Variants in VWA3B observed in about 807,000 individuals in gnomAD.
The protein encoded by VWA3B is von Willebrand factor A domain-containing protein 3B.
Under a neutral mutation model 158.3 loss-of-function variants are expected in VWA3B, and 138 were observed. The observed-to-expected ratio is 0.87, with a 90% CI of 0.76 to 1.00. The LOEUF is 1.00. VWA3B is among the 50% of genes least tolerant of loss of function. The pLI is 0.00. For synonymous variants in VWA3B, 596 were observed against 587.3 expected (o/e 1.01, Z -0.21); for missense variants, 1,555 against 1,565.1 (o/e 0.99, Z 0.11).
Position 98,093,293 on chromosome 2 carries a change from A to G in VWA3B, c.196+5A>G, listed in dbSNP as rs751306592. ...TCGGATTCCCACATTGTGAAGGTAC[A>G]GTACTCACAAACAACCAGCATGCTG... On this transcript the variant is annotated splice_donor_5th_base_variant and intron_variant, in intron 2 of 27. Coordinates refer to ENST00000477737, the MANE Select transcript of VWA3B (RefSeq NM_144992.5). 26 of 1,612,782 alleles carry G rather than the reference A, an allele frequency of 1.6e-5. No homozygotes were observed. The highest frequency in any genetic ancestry group is 2.2e-5 in the Non-Finnish European group (26 of 1,178,860).
intron 6 of VWA3B, 100 bp from the exon 7 acceptor site, chr2:98,133,723 GC>G: frequency 4.5e-6 from 4 of 894,570 alleles, no homozygotes; most frequent in Non-Finnish European, 5.4e-6. Context: ...AGATGAAGAT[GC>G]CCAGTGCTGC....
At chr2:98,196,468 C>A (rs1682049648) in intron 12 of VWA3B, among the ~76,000 whole-genome samples, 1 of 152,044 alleles carries the variant, frequency 6.6e-6, no homozygotes, top group Admixed American at 6.5e-5. Flanking sequence ...TGATTTGGTC[C>A]AGTAGTCAAC....
At chr2:98,271,807 G>A (rs1574249619) in intron 22 of VWA3B, among the ~76,000 whole-genome samples, 1 of 152,168 alleles carries the variant, frequency 6.6e-6, no homozygotes, top group Non-Finnish European at 1.5e-5. Flanking sequence ...AAATACACAT[G>A]GCCAGTGTGA....
Position 98,257,289 on chromosome 2 carries a change from C to A in VWA3B, c.2843+1115C>A, listed in dbSNP as rs374788840. Among the ~76,000 whole-genome samples, 49 of 152,172 alleles carry A rather than the reference C, an allele frequency of 3.2e-4. No individual in the cohort carries two copies. The East Asian group carries it at 5.2e-3, about 16-fold the overall frequency. On this transcript the variant is annotated intron_variant, in intron 21 of 27. Transcript: ENST00000477737. ...TGCTGCAAATGATATTAAGTTGCTG[C>A]AAATGATAGGATTTTGTTCCTTTTT...
At chr2:98,289,205 A>C (rs771549372) in intron 22 of VWA3B, among the ~76,000 whole-genome samples, 2 of 150,082 alleles carry the variant, frequency 1.3e-5, no homozygotes, top group Non-Finnish European at 3.0e-5. Flanking sequence ...CATATGTTAG[A>C]TATATATATG....
At chr2:98,162,997 C>T (rs1291775501) in intron 8 of VWA3B, 21 bp downstream of exon 8, 3 of 1,613,492 alleles carry the variant, frequency 1.9e-6, no homozygotes, top group South Asian at 1.1e-5. Context: ...TTTCTGGTCA[C>T]TGGTGTAAAA....
In VWA3B at chr2:98,115,713, G is replaced by C. The variant is rs1167914535; in HGVS notation, c.258G>C (p.Gln86His). 5.6e-6 allele frequency: 9 copies of C among 1,613,436 alleles called. No individual in the cohort carries two copies. In the South Asian group the frequency reaches 9.9e-5, roughly 18 times the overall value. The change falls in exon 3 of 28, where the codon CAG (glutamine) becomes CAC (histidine). Residue 86 changes from glutamine to histidine, a missense_variant. Transcript: ENST00000477737. ...GGTATGCTGATGGTCTGTTTCCACA[G>C]CTCTACAGAGCAGAAGATGGCAGAG... Reference protein sequence around the residue: ...ASRYADGLFPQLYRAEDGRVY... With the variant: ...ASRYADGLFPHLYRAEDGRVY...
At chr2:98,178,618 G>A (rs956745734) in intron 8 of VWA3B, among the ~76,000 whole-genome samples, 1 of 152,216 alleles carries the variant, frequency 6.6e-6, no homozygotes. Flanking sequence ...AGCATCAGCT[G>A]ATGGGGTTAC....
At chr2:98,118,144 A>T (rs1030081185) in intron 3 of VWA3B, among the ~76,000 whole-genome samples, 1 of 152,204 alleles carries the variant, frequency 6.6e-6, no homozygotes, top group Non-Finnish European at 1.5e-5. Context: ...ATTAAAATCA[A>T]TGCAAAACTT....
intron 8 of VWA3B, among the ~76,000 whole-genome samples, chr2:98,180,490 C>A (rs987299601): frequency 6.6e-6 from 1 of 152,280 alleles, no homozygotes; most frequent in Non-Finnish European, 1.5e-5. Context: ...CCATGCCTGG[C>A]CTCACATAAC....
At chr2:98,237,366 A>G (rs1685773104) in intron 19 of VWA3B, among the ~76,000 whole-genome samples, 1 of 152,298 alleles carries the variant, frequency 6.6e-6, no homozygotes, top group Middle Eastern at 3.4e-3. Flanking sequence ...GCGAGAGATT[A>G]TGTCCTTCTT....
At chr2:98,225,167 C>T (rs1162680472) in intron 14 of VWA3B, among the ~76,000 whole-genome samples, 1 of 152,220 alleles carries the variant, frequency 6.6e-6, no homozygotes, top group African/African-American at 2.4e-5. Flanking sequence ...CTCCTGACTT[C>T]ATGTGATCCA....
At chr2:98,203,373 T>C (rs1682748129) in intron 12 of VWA3B, among the ~76,000 whole-genome samples, 1 of 152,266 alleles carries the variant, frequency 6.6e-6, no homozygotes, top group Non-Finnish European at 1.5e-5. Context: ...CAGCTACTCC[T>C]ACTTTACATT....
chr2:98,304,544 C>T (rs1030258669), intron 26 of VWA3B, among the ~76,000 whole-genome samples: 1 of 152,164 alleles, frequency 6.6e-6, no homozygotes, highest in Non-Finnish European at 1.5e-5. Context: ...CCTTCTACTT[C>T]GTCAAAGAAC....
At chr2:98,216,689 C>G (rs752972656) in intron 13 of VWA3B, 12 of 471,190 alleles carry the variant, frequency 2.5e-5, no homozygotes, top group Non-Finnish European at 4.0e-5. Flanking sequence ...TTGGCCTTAT[C>G]CTAGGCTGAC....
At chr2:98,239,229 A>G (rs1685907168) in intron 19 of VWA3B, among the ~76,000 whole-genome samples, 2 of 152,256 alleles carry the variant, frequency 1.3e-5, no homozygotes, top group Admixed American at 1.3e-4. Context: ...GAGAATAATT[A>G]CTACAGCCTT....
intron 13 of VWA3B, among the ~76,000 whole-genome samples, chr2:98,213,221 G>C (rs972459574): frequency 6.6e-6 from 1 of 152,188 alleles, no homozygotes; most frequent in South Asian, 2.1e-4. Context: ...CAGGGGCAAC[G>C]GAAGAAGATC....
At chr2:98,198,663 A>T (rs551371324) in intron 12 of VWA3B, among the ~76,000 whole-genome samples, 1 of 152,182 alleles carries the variant, frequency 6.6e-6, no homozygotes, top group East Asian at 1.9e-4. Flanking sequence ...AAATGTCCTC[A>T]TATGCCCCTT....
At chr2:98,094,740 T>A (rs1319941175) in intron 2 of VWA3B, among the ~76,000 whole-genome samples, 1 of 152,174 alleles carries the variant, frequency 6.6e-6, no homozygotes, top group African/African-American at 2.4e-5. Flanking sequence ...CTTCCAGTAG[T>A]TTCATATTTT....
Sources: allele counts gnomAD v4.1 joint callset (sites outside exome capture counted in the v4.1 genomes callset), GRCh38; gene constraint gnomAD v4.1.1; transcripts MANE v1.5; gene names NCBI Gene and HGNC (gene_info 2026-07-23, HGNC 2026-07-21).